The following RALGAPA2 variants were observed in gnomAD, a reference collection of about 807,000 sequenced individuals.
RALGAPA2 encodes ral GTPase-activating protein subunit alpha-2.
A neutral mutation model predicts 230.4 loss-of-function variants in RALGAPA2; 139 were observed. That is an observed-to-expected ratio of 0.60 (90% CI 0.53 to 0.69). RALGAPA2 has a LOEUF of 0.69. Among genes scored for constraint, RALGAPA2 ranks in the 30% least tolerant of loss-of-function variants. The pLI is 0.00. For missense variants in RALGAPA2, 2,163 were observed against 2,276.0 expected (o/e 0.95, Z 1.01); for synonymous variants, 847 against 837.8 (o/e 1.01, Z -0.19).
chr20:20,518,346 C>A (rs186879456), intron 31 of RALGAPA2, among the ~76,000 whole-genome samples: 1 of 152,168 alleles, frequency 6.6e-6, no homozygotes, highest in Non-Finnish European at 1.5e-5. Flanking sequence ...TCGGCCACCA[C>A]GCCCGGCCAC....
intron 5 of RALGAPA2, 84 bp downstream of exon 5, chr20:20,643,422 T>C: frequency 7.9e-7 from 1 of 1,272,462 alleles, no homozygotes; most frequent in Non-Finnish European, 1.1e-6. Flanking sequence ...AGATCTTTTT[T>C]CCAAAATGCC....
chr20:20,410,515 G>A (rs1046161154), intron 38 of RALGAPA2, among the ~76,000 whole-genome samples: 2 of 152,188 alleles, frequency 1.3e-5, no homozygotes, highest in Admixed American at 1.3e-4. Flanking sequence ...GTGGGAAAAA[G>A]CTGAATGAGA....
intron 1 of RALGAPA2, among the ~76,000 whole-genome samples, chr20:20,687,604 GAGA>G (rs776469259): frequency 9.2e-5 from 14 of 152,326 alleles, no homozygotes; most frequent in African/African-American, 2.2e-4. Context: ...AACCGTCAGT[GAGA>G]AGAAGAACCA....
At chr20:20,520,858 TA>T in intron 31 of RALGAPA2, 58 bp downstream of exon 31, 1 of 1,359,942 alleles carries the variant, frequency 7.4e-7, no homozygotes, top group Admixed American at 2.2e-5. Context: ...CAAGCATGGC[TA>T]AAGGCTAAAT....
At chr20:20,539,169 G>A (rs913234242) in intron 24 of RALGAPA2, among the ~76,000 whole-genome samples, 8 of 152,058 alleles carry the variant, frequency 5.3e-5, no homozygotes, top group Non-Finnish European at 5.9e-5. Context: ...TCATCTCTTG[G>A]TGACTTGTGC....
At chr20:20,706,832 A>G (rs930428230) in intron 1 of RALGAPA2, among the ~76,000 whole-genome samples, 2 of 152,156 alleles carry the variant, frequency 1.3e-5, no homozygotes, top group African/African-American at 4.8e-5. Flanking sequence ...CAGCTTTCCC[A>G]CTTGCTGGCA....
At chr20:20,689,574 G>A (rs1485149935) in intron 1 of RALGAPA2, among the ~76,000 whole-genome samples, 4 of 152,182 alleles carry the variant, frequency 2.6e-5, no homozygotes, top group Non-Finnish European at 4.4e-5. Flanking sequence ...CCCGGGAGGC[G>A]GAGGTTGCAG....
At chr20:20,561,489 T>C (rs1332487682) in intron 23 of RALGAPA2, among the ~76,000 whole-genome samples, 1 of 152,218 alleles carries the variant, frequency 6.6e-6, no homozygotes, top group Non-Finnish European at 1.5e-5. Context: ...ACAAAATTCA[T>C]CTCAGATAAT....
chr20:20,682,978 G>A (rs991554527), intron 1 of RALGAPA2, among the ~76,000 whole-genome samples: 1 of 152,088 alleles, frequency 6.6e-6, no homozygotes, highest in African/African-American at 2.4e-5. Flanking sequence ...ATTTCTCCAC[G>A]TGAGGGTCTT....
At chr20:20,606,160 C>T (rs2146246399) in intron 14 of RALGAPA2, among the ~76,000 whole-genome samples, 1 of 152,322 alleles carries the variant, frequency 6.6e-6, no homozygotes, top group South Asian at 2.1e-4. Flanking sequence ...CCTTTTCCTT[C>T]CATTTTCACA....
chr20:20,514,240 T>G (rs1386868155), intron 31 of RALGAPA2, among the ~76,000 whole-genome samples: 1 of 152,032 alleles, frequency 6.6e-6, no homozygotes, highest in African/African-American at 2.4e-5. Context: ...TAGATTGTGG[T>G]GCAACAGGGC....
rs11479245 is a variant in RALGAPA2, at chr20:20,612,325, AG to A, written c.1689-900del. Among the ~76,000 whole-genome samples, 261 of 152,292 alleles carry A rather than the reference AG, an allele frequency of 1.7e-3. 2 individuals carry two copies. Among genetic ancestry groups the A allele is most frequent in the African/African-American group, 6.0e-3 (251 of 41,562 alleles). On this transcript the variant is annotated intron_variant, in intron 13 of 39. Transcript: ENST00000202677. Reference sequence around the variant, plus strand: ...GAGGGAAATCACTCTGGTTCCTTTCAGGTTTCACATGCTAACCATTCATCTA... The same window carrying A: ...GAGGGAAATCACTCTGGTTCCTTTCAGTTTCACATGCTAACCATTCATCTA...
In RALGAPA2 at chr20:20,508,536, G is replaced by T. The variant is rs183323668; in HGVS notation, c.4928+2718C>A. ...CTAACAGGGAAGCCCACTGTGATTT[G>T]TATGTACATTCATCATAGCACTGAC... On this transcript the variant is annotated intron_variant, in intron 33 of 39. Transcript: ENST00000202677. Among the ~76,000 whole-genome samples, 450 of 152,318 alleles carry T rather than the reference G, an allele frequency of 3.0e-3. 2 individuals carry two copies. Among genetic ancestry groups the T allele is most frequent in the African/African-American group, 0.01 (430 of 41,576 alleles).
intron 14 of RALGAPA2, among the ~76,000 whole-genome samples, chr20:20,607,421 T>C (rs893180725): frequency 1.3e-5 from 2 of 152,182 alleles, no homozygotes; most frequent in African/African-American, 4.8e-5. Flanking sequence ...TAAAGTCTGA[T>C]TCTAACATGT....
At chr20:20,625,724 T>A (rs2066471024) in intron 10 of RALGAPA2, among the ~76,000 whole-genome samples, 1 of 152,196 alleles carries the variant, frequency 6.6e-6, no homozygotes, top group Non-Finnish European at 1.5e-5. Context: ...CTAAGTTGGT[T>A]TCATGACCTA....
intron 1 of RALGAPA2, among the ~76,000 whole-genome samples, chr20:20,703,972 A>C (rs773861996): frequency 2.1e-4 from 32 of 152,188 alleles, no homozygotes; most frequent in Non-Finnish European, 2.2e-4. Context: ...TCACTCCCTA[A>C]GGAAAAAAAA....
intron 37 of RALGAPA2, chr20:20,472,265 C>T (rs1297681257): frequency 6.6e-6 from 1 of 152,190 alleles, no homozygotes; most frequent in Non-Finnish European, 1.5e-5. Flanking sequence ...GAATTTCTAG[C>T]TATTCCTATT....
intron 37 of RALGAPA2, among the ~76,000 whole-genome samples, chr20:20,416,577 A>C (rs1441582572): frequency 2.6e-5 from 4 of 152,242 alleles, no homozygotes; most frequent in Non-Finnish European, 4.4e-5. Flanking sequence ...AACTGACTTA[A>C]ATATACGTGA....
chr20:20,616,004 A>G, intron 13 of RALGAPA2, 39 bp downstream of exon 13: 1 of 1,326,296 alleles, frequency 7.5e-7, no homozygotes, highest in Non-Finnish European at 1.0e-6. Context: ...AAACAGAAAC[A>G]TCTGTTTTAC....
Sources: gnomAD v4.1 joint callset for allele counts (sites outside exome capture counted in the v4.1 genomes callset) on GRCh38, gnomAD v4.1.1 for gene constraint, MANE v1.5 for transcripts, NCBI Gene and HGNC (gene_info 2026-07-23, HGNC 2026-07-21) for gene names.